EYA1: variants seen among roughly 807,000 people sequenced by gnomAD.
The protein encoded by EYA1 is protein phosphatase EYA1.
In EYA1, 16 loss-of-function variants were observed where a neutral mutation model predicts 82.0. The observed-to-expected ratio is 0.20, with a 90% CI of 0.13 to 0.30. The LOEUF (loss-of-function observed/expected upper bound fraction) is 0.30. Among genes scored for constraint, EYA1 ranks in the 10% least tolerant of loss-of-function variants. The pLI, the probability that EYA1 is intolerant of heterozygous loss-of-function variation, is 1.00. For missense variants in EYA1, 633 were observed against 730.7 expected (o/e 0.87, Z 1.54); for synonymous variants, 261 against 264.4 (o/e 0.99, Z 0.12).
At chr8:71,297,070 GTAT>G (rs1478648517) in intron 9 of EYA1, among the ~76,000 whole-genome samples, 2 of 152,048 alleles carry the variant, frequency 1.3e-5, no homozygotes, top group East Asian at 3.9e-4. Context: ...AATCTGAAAA[GTAT>G]TATTTTTTTC....
At chr8:71,493,016 T>C (rs1811136121) in intron 2 of EYA1, among the ~76,000 whole-genome samples, 1 of 152,214 alleles carries the variant, frequency 6.6e-6, no homozygotes, top group African/African-American at 2.4e-5. Flanking sequence ...CCTGTGCTAA[T>C]TGGTTTTCTA....
At chr8:71,223,273 G>A (rs1483206580) in intron 12 of EYA1, among the ~76,000 whole-genome samples, 1 of 152,186 alleles carries the variant, frequency 6.6e-6, no homozygotes, top group African/African-American at 2.4e-5. Context: ...AGTCAGAGGT[G>A]CGGTGTTGTG....
intron 2 of EYA1, among the ~76,000 whole-genome samples, chr8:71,465,125 T>C (rs747889229): frequency 2.6e-5 from 4 of 152,240 alleles, no homozygotes; most frequent in Non-Finnish European, 2.9e-5. Context: ...AATGATACTT[T>C]ATTACTGCCC....
intron 3 of EYA1, among the ~76,000 whole-genome samples, chr8:71,351,156 G>C (rs747448297): frequency 2.6e-5 from 4 of 152,074 alleles, no homozygotes; most frequent in Non-Finnish European, 4.4e-5. Context: ...AATTGCATCT[G>C]GTTTTACGTC....
chr8:71,511,405 T>C (rs895208492), intron 2 of EYA1, among the ~76,000 whole-genome samples: 1 of 152,154 alleles, frequency 6.6e-6, no homozygotes, highest in Non-Finnish European at 1.5e-5. Flanking sequence ...AAGACTATCA[T>C]AGAAATGTGC....
At chr8:71,396,239 C>T (rs1196023999) in intron 2 of EYA1, among the ~76,000 whole-genome samples, 2 of 152,178 alleles carry the variant, frequency 1.3e-5, no homozygotes, top group East Asian at 3.9e-4. Context: ...TTTCAAAAAA[C>T]CAGCTCCTGG....
At chr8:71,428,095 T>C (rs986936406) in intron 2 of EYA1, among the ~76,000 whole-genome samples, 3 of 152,180 alleles carry the variant, frequency 2.0e-5, no homozygotes, top group Non-Finnish European at 4.4e-5. Context: ...CATTGAATGG[T>C]TAAGTTGCCA....
At chr8:71,440,138 T>C (rs1806306293) in intron 2 of EYA1, among the ~76,000 whole-genome samples, 2 of 151,902 alleles carry the variant, frequency 1.3e-5, no homozygotes, top group African/African-American at 2.4e-5. Flanking sequence ...CCTATGAAAA[T>C]AATGGAGGTG....
chr8:71,539,289 G>A (rs1209058152), intron 1 of EYA1, among the ~76,000 whole-genome samples: 1 of 152,146 alleles, frequency 6.6e-6, no homozygotes, highest in Non-Finnish European at 1.5e-5. Flanking sequence ...TTTAATGATA[G>A]CCTGACTCTC....
chr8:71,209,567 A>G (rs549690587), intron 17 of EYA1, among the ~76,000 whole-genome samples: 1 of 152,310 alleles, frequency 6.6e-6, no homozygotes, highest in South Asian at 2.1e-4. Flanking sequence ...ACTCAGAGGC[A>G]CTGAAGGTAA....
chr8:71,464,200 C>T (rs1808617571), intron 2 of EYA1, among the ~76,000 whole-genome samples: 1 of 152,234 alleles, frequency 6.6e-6, no homozygotes, highest in Admixed American at 6.5e-5. Context: ...CTTCAAGGGG[C>T]CCCTTCCCAA....
chr8:71,374,343 TA>T (rs748548946), intron 2 of EYA1, among the ~76,000 whole-genome samples: 3 of 152,092 alleles, frequency 2.0e-5, no homozygotes, highest in Non-Finnish European at 4.4e-5. Flanking sequence ...GACATTTTTC[TA>T]AAACAGACAT....
chr8:71,431,581 GCTAA>G (rs903833385), intron 2 of EYA1, among the ~76,000 whole-genome samples: 1 of 152,158 alleles, frequency 6.6e-6, no homozygotes, highest in Non-Finnish European at 1.5e-5. Context: ...TTTAAAATAT[GCTAA>G]CTGACATTGT....
chr8:71,213,615 G>A (rs530839953), intron 16 of EYA1, among the ~76,000 whole-genome samples: 12 of 152,236 alleles, frequency 7.9e-5, no homozygotes, highest in Admixed American at 3.3e-4. Context: ...GGCCCTTCTT[G>A]GGAAGCATCA....
intron 4 of EYA1, among the ~76,000 whole-genome samples, chr8:71,325,644 G>T (rs12682640): frequency 0.43 from 65,773 of 152,024 alleles, 15,060 homozygotes; most frequent in East Asian, 0.7. Flanking sequence ...ACTTAGTTCT[G>T]TGGCAATATA....
At chr8:71,482,696 A>G (rs1008433215) in intron 2 of EYA1, among the ~76,000 whole-genome samples, 7 of 152,252 alleles carry the variant, frequency 4.6e-5, no homozygotes, top group African/African-American at 1.7e-4. Flanking sequence ...CTACACAGCA[A>G]TGAAAAGAAT....
At chr8:71,423,628 C>T (rs1304002620) in intron 2 of EYA1, among the ~76,000 whole-genome samples, 2 of 152,064 alleles carry the variant, frequency 1.3e-5, no homozygotes, top group African/African-American at 2.4e-5. Flanking sequence ...CATCCACGAC[C>T]GATAAGGGTA....
At chr8:71,210,539 T>C (rs2128832811) in intron 17 of EYA1, among the ~76,000 whole-genome samples, 1 of 152,212 alleles carries the variant, frequency 6.6e-6, no homozygotes, top group East Asian at 1.9e-4. Flanking sequence ...GAGAAAGCTT[T>C]TGCTCAGAGA....
At chr8:71,473,768 C>G (rs1276706417) in intron 2 of EYA1, among the ~76,000 whole-genome samples, 5 of 152,156 alleles carry the variant, frequency 3.3e-5, no homozygotes, top group African/African-American at 1.2e-4. Flanking sequence ...TATTGCAGCA[C>G]TGTTCACAAT....
Sources: gnomAD v4.1 joint callset for allele counts (sites outside exome capture counted in the v4.1 genomes callset) on GRCh38, gnomAD v4.1.1 for gene constraint, MANE v1.5 for transcripts, NCBI Gene and HGNC (gene_info 2026-07-23, HGNC 2026-07-21) for gene names.